SLC12A7: variants seen among roughly 807,000 people sequenced by gnomAD.
SLC12A7 encodes solute carrier family 12 member 7.
A neutral mutation model predicts 120.6 loss-of-function variants in SLC12A7; 100 were observed. That is an observed-to-expected ratio of 0.83 (90% CI 0.71 to 0.98). The LOEUF (loss-of-function observed/expected upper bound fraction) is 0.98. SLC12A7 is among the 50% of genes least tolerant of loss of function. SLC12A7 has a pLI of 0.00. For missense variants in SLC12A7, 1,373 were observed against 1,548.1 expected, an observed-to-expected ratio of 0.89 and a Z score of 1.90; for synonymous variants, 760 against 678.0, an observed-to-expected ratio of 1.12 and a Z score of -1.88.
intron 17 of SLC12A7, among the ~76,000 whole-genome samples, chr5:1,067,920 C>CAGCACTGTGT (rs1561048524): frequency 6.6e-6 from 1 of 151,674 alleles, no homozygotes; most frequent in African/African-American, 2.4e-5. Context: ...TATCACAAGT[C>CAGCACTGTGT]CCCGCACCTG....
intron 20 of SLC12A7, among the ~76,000 whole-genome samples, chr5:1,061,109 CCCA>C: frequency 8.0e-5 from 4 of 49,744 alleles, no homozygotes; most frequent in African/African-American, 1.5e-4. Context: ...CTGCGTCTCA[CCCA>C]CCGCACCCGC....
chr5:1,121,439 C>T, the SLC12A7 span, among the ~76,000 whole-genome samples: 1 of 152,166 alleles, frequency 6.6e-6, no homozygotes, highest in Admixed American at 6.5e-5. Context: ...CCCCTGCAGC[C>T]GAGTCCCAAG....
chr5:1,089,975 C>T (rs1286424400), intron 3 of SLC12A7, among the ~76,000 whole-genome samples: 1 of 152,254 alleles, frequency 6.6e-6, no homozygotes, highest in Non-Finnish European at 1.5e-5. Context: ...CACAAGGTGA[C>T]GTTTTAACAG....
At chr5:1,105,247 ACCAG>A (rs1325101221) in intron 1 of SLC12A7, among the ~76,000 whole-genome samples, 2 of 146,272 alleles carry the variant, frequency 1.4e-5, no homozygotes, top group African/African-American at 2.6e-5. Context: ...GCAGTCACCC[ACCAG>A]CCAAAGGGAA....
At chr5:1,079,306 G>A in intron 10 of SLC12A7, 92 bp downstream of exon 10, 1 of 969,998 alleles carries the variant, frequency 1.0e-6, no homozygotes, top group Non-Finnish European at 1.6e-6. Flanking sequence ...TCACATGCTG[G>A]TGGCCGAGGG....
chr5:1,076,804 G>A lies in SLC12A7; in HGVS notation c.1638C>T (p.Gly546=). ...DGIVPFLQVF[G]HGKANGEPTW... The stretch of plus-strand genomic sequence containing the variant: ...TGGGCTCCCCGTTGGCCTTCCCGTG[G>A]CCAAACACCTGCAGGGAGAAGGGCA... The change falls in exon 13 of 24, where the codon GGC becomes GGT. Residue 546 remains glycine (G), a synonymous_variant. Coordinates refer to ENST00000264930, the MANE Select transcript of SLC12A7 (RefSeq NM_006598.3). 1.2e-6 allele frequency: 2 copies of A among 1,607,474 alleles called. No individual in the cohort carries two copies. Among genetic ancestry groups the A allele is most frequent in the Non-Finnish European group, 1.7e-6 (2 of 1,178,020 alleles).
chr5:1,154,650 C>T, the SLC12A7 span, among the ~76,000 whole-genome samples: 2 of 152,166 alleles, frequency 1.3e-5, no homozygotes, highest in South Asian at 4.1e-4. Context: ...TGGGCCATCG[C>T]GTGTAAAGGC....
rs747579904 is a variant in SLC12A7 at position 1,057,604 on chromosome 5, C to T, written c.2893G>A (p.Ala965Thr). The T allele has an allele frequency of 5.6e-6, 9 of 1,608,014 alleles. No individual in the cohort carries two copies. The highest frequency in any genetic ancestry group is 6.8e-6 in the Non-Finnish European group (8 of 1,179,858). The change falls in exon 22 of 24, where the codon GCA (alanine) becomes ACA (threonine). Residue 965 changes from alanine to threonine, a missense_variant. Coordinates refer to ENST00000264930, the MANE Select transcript of SLC12A7 (RefSeq NM_006598.3). ...GTAGGCGGCGCTTGGGTCCTGGCTGCCGCCGCGGTGTGGGACGCGGTGTTC... is the reference window on the plus strand; with the variant it reads ...GTAGGCGGCGCTTGGGTCCTGGCTGTCGCCGCGGTGTGGGACGCGGTGTTC... ...DRNTASHTAA[A>T]ARTQAPPTPD...
At chr5:1,146,410 T>G in the SLC12A7 span, among the ~76,000 whole-genome samples, 1 of 152,138 alleles carries the variant, frequency 6.6e-6, no homozygotes. This position sits in a 1 kb window ranked among gnomAD's most constrained non-coding sequence, Gnocchi z 6.5. Context: ...TGCCTGCATG[T>G]GGGTGGGAGC....
intron 21 of SLC12A7, among the ~76,000 whole-genome samples, chr5:1,059,206 GC>G (rs987704965): frequency 3.9e-5 from 6 of 152,220 alleles, no homozygotes; most frequent in African/African-American, 1.4e-4. Flanking sequence ...AAGCTGGGCG[GC>G]CCCCCGTGTC....
At chr5:1,115,074 G>A (rs375806004), upstream of SLC12A7, among the ~76,000 whole-genome samples, 111 of 152,298 alleles carry the variant, frequency 7.3e-4, no homozygotes, top group African/African-American at 2.0e-3. Flanking sequence ...GGTCTCAGTC[G>A]ATCACCATTA....
chr5:1,124,644 C>T, the SLC12A7 span, among the ~76,000 whole-genome samples: 32 of 152,208 alleles, frequency 2.1e-4, no homozygotes, highest in African/African-American at 6.0e-4. Context: ...GAACACTCAG[C>T]GCCCAGCACA....
upstream of SLC12A7, among the ~76,000 whole-genome samples, chr5:1,113,512 C>T (rs375897712): frequency 8.5e-5 from 13 of 152,194 alleles, no homozygotes; most frequent in African/African-American, 3.1e-4. Context: ...CCTGGAACGT[C>T]GCCCATCCAG....
At chr5:1,074,759 G>A (rs1462336301) in intron 15 of SLC12A7, 88 bp from the exon 16 acceptor site, 3 of 1,257,396 alleles carry the variant, frequency 2.4e-6, no homozygotes, top group East Asian at 4.9e-5. Flanking sequence ...GGGCAGGTGA[G>A]TTGGGGCAAA....
upstream of SLC12A7, among the ~76,000 whole-genome samples, chr5:1,113,475 G>A (rs1743187577): frequency 2.0e-5 from 3 of 152,164 alleles, no homozygotes; most frequent in Admixed American, 6.5e-5. Flanking sequence ...GGACTCTTCT[G>A]GGCAGAAGCT....
At chr5:1,056,114 C>T (rs1039872013) in intron 22 of SLC12A7, among the ~76,000 whole-genome samples, 3 of 152,174 alleles carry the variant, frequency 2.0e-5, no homozygotes, top group Non-Finnish European at 4.4e-5. Flanking sequence ...CAGGTAGCTC[C>T]TGCCGAGGGT....
intron 20 of SLC12A7, 34 bp downstream of exon 20, chr5:1,063,810 C>G (rs201626562): frequency 3.5e-6 from 4 of 1,140,208 alleles, no homozygotes; most frequent in Admixed American, 2.3e-5. Flanking sequence ...CCCACCTCCC[C>G]CCGGCCTCCT....
chr5:1,058,906 G>A (rs1300651545), intron 21 of SLC12A7, among the ~76,000 whole-genome samples: 6 of 152,206 alleles, frequency 3.9e-5, no homozygotes, highest in South Asian at 4.1e-4. Context: ...TCTGCAGAGC[G>A]GTGACACCTC....
chr5:1,092,894 C>T (rs765151737), intron 3 of SLC12A7, among the ~76,000 whole-genome samples: 1 of 152,154 alleles, frequency 6.6e-6, no homozygotes, highest in Non-Finnish European at 1.5e-5. Context: ...CGCCTGTGAG[C>T]GTCACCTCAG....
Sources: gnomAD v4.1 joint callset for allele counts (sites outside exome capture counted in the v4.1 genomes callset) on GRCh38, gnomAD v4.1.1 for gene constraint, Gnocchi (gnomAD v3.1) non-coding constraint, MANE v1.5 for transcripts, NCBI Gene and HGNC (gene_info 2026-07-23, HGNC 2026-07-21) for gene names.